Variants in GMEB2 observed in about 807,000 individuals in gnomAD.
GMEB2 encodes glucocorticoid modulatory element-binding protein 2.
Under a neutral mutation model 45.7 loss-of-function variants are expected in GMEB2, and 7 were observed. The ratio of observed to expected loss-of-function variants is 0.15; its 90% CI spans 0.09 to 0.29. The LOEUF (loss-of-function observed/expected upper bound fraction) is 0.29. Ranked by LOEUF, GMEB2 falls within the 10% of genes least tolerant of loss-of-function variation. The pLI is 1.00. For missense variants in GMEB2, 582 were observed against 739.2 expected (o/e 0.79, Z 2.47); for synonymous variants, 322 against 323.6 (o/e 1.00, Z 0.05).
chr20:63,589,132 C>G lies in GMEB2; in HGVS notation c.*957G>C, dbSNP rs1213770510. 5.0e-6 allele frequency: 2 copies of G among 398,930 alleles called. No homozygotes were observed. Among genetic ancestry groups the G allele is most frequent in the Non-Finnish European group, 8.8e-6 (2 of 226,174 alleles). The allele number at this position is 398,930 out of a possible 1,614,324, so 24.7% of individuals were successfully genotyped here. On this transcript the variant is annotated 3_prime_UTR_variant, in exon 10 of 10. Coordinates refer to ENST00000370077, the MANE Select transcript of GMEB2 (RefSeq NM_012384.5). ...GGGCCCACATGGGAATCCTCGACCT[C>G]CATAGTGACTGGTTCTGTTTATGCC...
At position 63,593,216 on chromosome 20, in the gene GMEB2, C is replaced by T. The variant is rs143563749; in HGVS notation, c.620-134G>A. 2.3e-4 allele frequency: 150 copies of T among 638,312 alleles called. No homozygotes were observed. Among genetic ancestry groups the T allele is most frequent in the Non-Finnish European group, 3.8e-4 (131 of 343,802 alleles). The allele number at this position is 638,312 out of a possible 1,614,324, so 39.5% of individuals were successfully genotyped here. ...TCACAAAACTGACAAACACAGGATA[C>T]GCACTAGTACAGCCAAAGTGTACCT... On this transcript the variant is annotated intron_variant, in intron 6 of 9. Transcript: ENST00000370077. This position sits in a 1 kb window ranked among gnomAD's most constrained non-coding sequence, Gnocchi z 4.7.
intron 1 of GMEB2, among the ~76,000 whole-genome samples, chr20:63,626,662 C>A (rs2089676115): frequency 6.6e-6 from 1 of 151,682 alleles, no homozygotes; most frequent in East Asian, 1.9e-4. Flanking sequence ...GCGGCGTGGT[C>A]CCCCCGGGAT....
rs2146040170 is a variant in GMEB2, at chr20:63,590,378, G to T, written c.1304C>A (p.Ala435Asp). 6.3e-7 allele frequency: 1 copy of T among 1,599,956 alleles called. No individual in the cohort carries two copies. The highest frequency in any genetic ancestry group is 2.3e-5 in the East Asian group (1 of 44,400). ...GCTGGGGTAGGTGGAGCCGGAAGAG[G>T]CCAAGACTGTGTATCCCCCGAGCAG... ...SPLLGGYTVL[A>D]SSGSTYPSTV... The change falls in exon 10 of 10, where the codon GCC (alanine) becomes GAC (aspartate). Residue 435 changes from alanine (A) to aspartate (D), a missense_variant. Ala to Asp is a moderately radical substitution (Grantham distance 126). This residue lies in a region of GMEB2 where 462 missense variants were observed against 586.7 expected (regional missense o/e 0.79). Transcript: ENST00000370077.
intron 2 of GMEB2, among the ~76,000 whole-genome samples, chr20:63,606,875 T>C (rs535715633): frequency 6.6e-6 from 1 of 152,288 alleles, no homozygotes; most frequent in Non-Finnish European, 1.5e-5. Context: ...ATGAGGCCAC[T>C]TTCCCCTAGA....
intron 2 of GMEB2, among the ~76,000 whole-genome samples, chr20:63,610,930 C>T (rs1372126136): frequency 6.6e-6 from 1 of 152,250 alleles, no homozygotes; most frequent in Non-Finnish European, 1.5e-5. Flanking sequence ...CACACCCAGG[C>T]AGGTGTCCTG....
intron 5 of GMEB2, among the ~76,000 whole-genome samples, chr20:63,597,272 C>T (rs2083207253): frequency 6.6e-6 from 1 of 150,504 alleles, no homozygotes; most frequent in Non-Finnish European, 1.5e-5. Context: ...GTGATCCTTC[C>T]ACCTTAGCCT....
intron 3 of GMEB2, 94 bp downstream of exon 3, chr20:63,604,649 T>C: frequency 1.3e-6 from 1 of 794,134 alleles, no homozygotes; most frequent in Non-Finnish European, 2.3e-6. Context: ...ACAAAGACCT[T>C]GTATATCTCT....
intron 5 of GMEB2, among the ~76,000 whole-genome samples, chr20:63,596,252 C>T (rs1311398275): frequency 6.6e-6 from 1 of 152,252 alleles, no homozygotes; most frequent in Non-Finnish European, 1.5e-5. Context: ...AGGACAGCAC[C>T]AACGGCCATG....
intron 5 of GMEB2, 30 bp from the exon 6 acceptor site, chr20:63,595,797 G>C: frequency 1.2e-6 from 2 of 1,609,976 alleles, no homozygotes; most frequent in Non-Finnish European, 1.7e-6. Flanking sequence ...GGAGCGTCCA[G>C]GTCGGCCCCA....
intron 5 of GMEB2, among the ~76,000 whole-genome samples, chr20:63,596,332 G>A (rs527256350): frequency 2.6e-5 from 4 of 152,244 alleles, no homozygotes; most frequent in Non-Finnish European, 5.9e-5. Flanking sequence ...CGCCCTCCCA[G>A]GGCCCTCTCT....
chr20:63,595,626 C>T lies in GMEB2; in HGVS notation c.603G>A (p.Thr201=), dbSNP rs752220217. The T allele has an allele frequency of 8.7e-6, 14 of 1,609,180 alleles. No individual in the cohort carries two copies. The highest frequency in any genetic ancestry group is 4.0e-5 in the African/African-American group (3 of 74,830). The change falls in exon 6 of 10, where the codon ACG becomes ACA. Residue 201 remains threonine (T), a synonymous_variant. Transcript: ENST00000370077. The part of the protein sequence containing the change: ...SPTSAEYIPL[T]PAAADVNGSP... ...TGCACCTACCGTCGGCTGCGGCGGGCGTGAGGGGAATGTACTCGGCCGACG... is the reference window on the plus strand; with the variant it reads ...TGCACCTACCGTCGGCTGCGGCGGGTGTGAGGGGAATGTACTCGGCCGACG...
At position 63,604,773 on chromosome 20, in the gene GMEB2, C is replaced by A; in HGVS notation, c.199G>T (p.Ala67Ser). 6.2e-7 allele frequency: 1 copy of A among 1,610,708 alleles called. No homozygotes were observed. The highest frequency in any genetic ancestry group is 2.2e-5 in the East Asian group (1 of 44,864). Residue 67 changes from alanine to serine, a missense_variant, in exon 3 of 10, where the codon GCC becomes TCC. Around this residue, in one of 3 missense-constraint regions of GMEB2, gnomAD observed 114 missense variants for 123.4 expected, o/e 0.92. Coordinates refer to ENST00000370077, the MANE Select transcript of GMEB2 (RefSeq NM_012384.5). Reference sequence around the variant, plus strand: ...ACGGCTTCCTTGAGCTGGGAGGAGGCTGTGAAGGCCGCGGCAGCTGCTGCC... The same window carrying A: ...ACGGCTTCCTTGAGCTGGGAGGAGGATGTGAAGGCCGCGGCAGCTGCTGCC... ...AAAAAAAAFT[A>S]SSQLKEAVLV...
In GMEB2 at chr20:63,606,813, C is replaced by T. The variant is rs189779828; in HGVS notation, c.132-1973G>A. On this transcript the variant is annotated intron_variant, in intron 2 of 9. Transcript: ENST00000370077. Reference sequence around the variant, plus strand: ...AACGCAAAGGCCCCAAGCAGGGGCTCTGGAGAAACCCTGGAAAGACACTCA... The same window carrying T: ...AACGCAAAGGCCCCAAGCAGGGGCTTTGGAGAAACCCTGGAAAGACACTCA... Among the ~76,000 whole-genome samples, 3 of 152,350 alleles carry T rather than the reference C, an allele frequency of 2.0e-5. No homozygotes were observed. The East Asian group carries it at 5.8e-4, about 29-fold the overall frequency.
At position 63,600,717 on chromosome 20, in the gene GMEB2, C is replaced by CAAA. The variant is rs34633546; in HGVS notation, c.357+2245_357+2247dup. Among the ~76,000 whole-genome samples the CAAA allele has an allele frequency of 2.1e-3, 176 of 84,020 alleles. 1 individual carries two copies. The highest frequency in any genetic ancestry group is 4.2e-3 in the African/African-American group (86 of 20,720). The allele number at this position is 84,020 out of a possible 152,430, so 55.1% of individuals were successfully genotyped here. On this transcript the variant is annotated intron_variant, in intron 4 of 9. Transcript: ENST00000370077. The stretch of plus-strand genomic sequence containing the variant: ...TGGGCAACAGAGGAAGACTCCATCT[C>CAAA]AAAAAAAAAAAAAAAAAAAAAAGAC...
intron 2 of GMEB2, among the ~76,000 whole-genome samples, chr20:63,607,877 G>C (rs376108245): frequency 1.5e-3 from 9 of 5,880 alleles, no homozygotes; most frequent in African/African-American, 2.9e-3. Context: ...ACATGCCCCT[G>C]TGACCTCACC....
chr20:63,588,543 AAAC>A lies in GMEB2; in HGVS notation c.*1543_*1545del, dbSNP rs771955697. ...ACAGCAAACAAAAATGTAACAGAGA[AAAC>A]AAACAAGACACAGCCTCAGTAGCTT... On this transcript the variant is annotated 3_prime_UTR_variant, in exon 10 of 10. Transcript: ENST00000370077. 3.7e-4 allele frequency: 147 copies of A among 395,808 alleles called. No homozygotes were observed. In the Middle Eastern group the frequency reaches 0.011, roughly 31 times the overall value. The allele number at this position is 395,808 out of a possible 1,614,324, so 24.5% of individuals were successfully genotyped here. A position where few individuals can be genotyped will look rare whatever the true frequency, so the allele number is the denominator to read the frequency against.
intron 9 of GMEB2, among the ~76,000 whole-genome samples, chr20:63,591,643 T>G (rs2083148174): frequency 6.6e-6 from 1 of 152,146 alleles, no homozygotes; most frequent in Non-Finnish European, 1.5e-5. Context: ...TTTGTTTTTT[T>G]CAGCAGAGAT....
chr20:63,603,344 A>G (rs1380557082), intron 3 of GMEB2, among the ~76,000 whole-genome samples: 2 of 152,246 alleles, frequency 1.3e-5, no homozygotes, highest in East Asian at 3.8e-4. Flanking sequence ...GGTTCAACTG[A>G]AGACCCACTT....
intron 2 of GMEB2, among the ~76,000 whole-genome samples, chr20:63,610,350 T>C (rs2089559820): frequency 6.6e-6 from 1 of 151,962 alleles, no homozygotes. Context: ...TGAAACCCCG[T>C]CTCTACTAAA....
Sources: allele counts gnomAD v4.1 joint callset (sites outside exome capture counted in the v4.1 genomes callset), GRCh38; gene constraint gnomAD v4.1.1; regional missense constraint gnomAD v4.1.1; non-coding constraint Gnocchi (gnomAD v3.1); transcripts MANE v1.5; gene names NCBI Gene and HGNC (gene_info 2026-07-23, HGNC 2026-07-21).